The following SARS2 variants were observed in gnomAD, a reference collection of about 807,000 sequenced individuals.
The protein encoded by SARS2 is seryl-tRNA synthetase 2, mitochondrial, also known as serine--tRNA ligase, mitochondrial.
In SARS2, 52 loss-of-function variants were observed where a neutral mutation model predicts 66.8. The observed-to-expected ratio is 0.78, with a 90% CI of 0.62 to 0.98. The LOEUF (loss-of-function observed/expected upper bound fraction) is 0.98, where lower values mean the gene tolerates loss of function less well. Ranked by LOEUF, SARS2 falls within the 50% of genes least tolerant of loss-of-function variation. The pLI is 0.00. For missense variants in SARS2, 673 were observed against 706.3 expected (o/e 0.95, Z 0.53); for synonymous variants, 306 against 281.4 (o/e 1.09, Z -0.87).
chr19:38,921,415 A>C lies in SARS2; in HGVS notation c.566T>G (p.Leu189Arg). The part of the protein sequence containing the change: ...PVGDESQARV[L>R]HMVGDKPVFS... ...ACCTGGCTTGTCTCCGACCATGTGG[A>C]GCACTCGAGCCTGGCTCTCATCCCC... The change falls in exon 5 of 16, where the codon CTC becomes CGC. Residue 189 changes from leucine (L) to arginine (R), a missense_variant. Transcript: ENST00000221431. The C allele has an allele frequency of 6.2e-7, 1 of 1,613,732 alleles. No individual in the cohort carries two copies.
chr19:38,923,973 C>CAA (rs57362195), intron 2 of SARS2, among the ~76,000 whole-genome samples: 320 of 150,262 alleles, frequency 2.1e-3, no homozygotes, highest in Middle Eastern at 3.4e-3. Flanking sequence ...GACTCAGTCT[C>CAA]AAAAAAAAAT....
chr19:38,916,005 G>C (rs1395459285), intron 14 of SARS2, 32 bp downstream of exon 14: 1 of 1,612,390 alleles, frequency 6.2e-7, no homozygotes, highest in East Asian at 2.2e-5. Flanking sequence ...TGCGGGCGAG[G>C]GCACGCGGGC....
At chr19:38,922,747 G>A (rs1163782392) in intron 2 of SARS2, among the ~76,000 whole-genome samples, 2 of 152,106 alleles carry the variant, frequency 1.3e-5, no homozygotes, top group African/African-American at 2.4e-5. Context: ...AAAAGCATTT[G>A]GCAGTTACCC....
In SARS2 at chr19:38,915,424, G is replaced by A; in HGVS notation, c.*182C>T. Reference sequence around the variant, plus strand: ...GACCCTCAATGATAACAGGGTCAGTGACTGACTCTGAGGCAGCAAGGACAG... The same window carrying A: ...GACCCTCAATGATAACAGGGTCAGTAACTGACTCTGAGGCAGCAAGGACAG... On this transcript the variant is annotated 3_prime_UTR_variant, in exon 16 of 16. Transcript: ENST00000221431. 1 of 645,194 alleles carries A rather than the reference G, an allele frequency of 1.5e-6. No individual in the cohort carries two copies. The highest frequency in any genetic ancestry group is 2.7e-6 in the Non-Finnish European group (1 of 372,178). 40.0% of individuals were successfully genotyped at this position (645,194 alleles called of 1,614,324 possible). A position where few individuals can be genotyped will look rare whatever the true frequency, so the allele number is the denominator to read the frequency against.
intron 12 of SARS2, among the ~76,000 whole-genome samples, chr19:38,916,615 G>A (rs558615393): frequency 1.3e-5 from 2 of 151,678 alleles, no homozygotes; most frequent in East Asian, 2.0e-4. Context: ...AGGGTCCACC[G>A]GCTCTTCACA....
intron 3 of SARS2, 58 bp downstream of exon 3, chr19:38,922,180 C>A: frequency 6.2e-7 from 1 of 1,603,660 alleles, no homozygotes; most frequent in African/African-American, 1.3e-5. Flanking sequence ...TCGTGACTGG[C>A]AGGGTATCCT....
At chr19:38,915,950 A>C in intron 14 of SARS2, 44 bp from the exon 15 acceptor site, 1 of 1,613,026 alleles carries the variant, frequency 6.2e-7, no homozygotes, top group Non-Finnish European at 8.5e-7. Flanking sequence ...CCCCAAGCTG[A>C]GCCCGGGGAG....
intron 2 of SARS2, among the ~76,000 whole-genome samples, chr19:38,925,267 C>G (rs1386108305): frequency 6.6e-6 from 1 of 152,152 alleles, no homozygotes. Flanking sequence ...GAGCCCAGAT[C>G]ATGCCACTGC....
rs142711221 is a variant in SARS2 at position 38,916,278 on chromosome 19, G to A, written c.1197C>T (p.Pro399=). Residue 399 remains proline (P), a synonymous_variant, in exon 13 of 16, where the codon CCC becomes CCT. Coordinates refer to ENST00000221431, the MANE Select transcript of SARS2 (RefSeq NM_017827.4). ...LDMPTQELGL[P]AYRKFDIEAW... is the part of the protein sequence containing the mutation. ...CCTCAATGTCAAACTTGCGGTAGGC[G>A]GGGAGGCCCAGTTCTTGGGTGGGCA... The A allele has an allele frequency of 4.3e-5, 69 of 1,614,094 alleles. No individual in the cohort carries two copies. In the African/African-American group the frequency reaches 8.0e-4, roughly 19 times the overall value.
In SARS2 at chr19:38,919,823, C is replaced by T. The variant is rs1974485161; in HGVS notation, c.698G>A (p.Gly233Glu). The T allele has an allele frequency of 6.2e-7, 1 of 1,614,168 alleles. No homozygotes were observed. The highest frequency in any genetic ancestry group is 8.5e-7 in the Non-Finnish European group (1 of 1,180,028). ...GCCGTGCTGCAGGAGGGCTCCAGCC[C>T]CGCGCAGGTAATAGGACCGGTGGCC... The part of the protein sequence containing the change: ...VSGHRSYYLR[G>E]AGALLQHGLV... The change falls in exon 7 of 16, where the codon GGG becomes GAG. Residue 233 changes from glycine to glutamate, a missense_variant. Gly to Glu is a moderately conservative substitution (Grantham distance 98). Transcript: ENST00000221431.
At chr19:38,922,100 T>A in intron 3 of SARS2, 138 bp downstream of exon 3, 10 of 1,604,600 alleles carry the variant, frequency 6.2e-6, no homozygotes, top group South Asian at 2.2e-5. Flanking sequence ...TTTAGTTTCA[T>A]GCATCAATAG....
intron 1 of SARS2, among the ~76,000 whole-genome samples, chr19:38,926,725 G>A (rs1974634678): frequency 1.3e-5 from 2 of 152,166 alleles, no homozygotes. Flanking sequence ...AGCGGAGGTT[G>A]CACTGAGCTG....
At chr19:38,918,340 T>TC (rs1186184223) in intron 9 of SARS2, 82 bp downstream of exon 9, 16 of 1,344,470 alleles carry the variant, frequency 1.2e-5, no homozygotes, top group African/African-American at 7.2e-5. Flanking sequence ...GGGCAGGTGA[T>TC]CCCCCCCAGT....
chr19:38,917,904 G>C lies in SARS2; in HGVS notation c.1050+17C>G. ...TGGCCCCCCACCCCAGCCCCGTTTAGTCCCAGCGACACCAGCCTTGGTGAA... is the reference window on the plus strand; with the variant it reads ...TGGCCCCCCACCCCAGCCCCGTTTACTCCCAGCGACACCAGCCTTGGTGAA... On this transcript the variant is annotated intron_variant, in intron 11 of 15. Coordinates refer to ENST00000221431, the MANE Select transcript of SARS2 (RefSeq NM_017827.4). 1 of 1,613,188 alleles carries C rather than the reference G, an allele frequency of 6.2e-7. No individual in the cohort carries two copies. The highest frequency in any genetic ancestry group is 8.5e-7 in the Non-Finnish European group (1 of 1,179,496).
Position 38,930,529 on chromosome 19 carries a change from C to T in SARS2, c.208G>A (p.Ala70Thr), listed in dbSNP as rs1974719983. ...TTGCGGAGCTCCAGGGCGTGTGCGGCCTCTTCTGGGCATGCGCAGAACCGC... is the reference window on the plus strand; with the variant it reads ...TTGCGGAGCTCCAGGGCGTGTGCGGTCTCTTCTGGGCATGCGCAGAACCGC... ...IERFCACPEE[A>T]AHALELRKGE... Residue 70 changes from alanine (A) to threonine (T), a missense_variant, in exon 1 of 16, where the codon GCC becomes ACC. By Grantham distance (58) the Ala-to-Thr change is moderately conservative. Coordinates refer to ENST00000221431, the MANE Select transcript of SARS2 (RefSeq NM_017827.4). The T allele has an allele frequency of 6.2e-7, 1 of 1,613,188 alleles. No individual in the cohort carries two copies. Among genetic ancestry groups the T allele is most frequent in the Non-Finnish European group, 8.5e-7 (1 of 1,179,832 alleles).
Position 38,930,483 on chromosome 19 carries a change from T to G in SARS2, c.254A>C (p.Asp85Ala), listed in dbSNP as rs771376102. Residue 85 changes from aspartate (D) to alanine (A), a missense_variant, in exon 1 of 16, where the codon GAC becomes GCC. Transcript: ENST00000221431. ...ELRKGELRSA[D>A]LPAIISTWQE... Reference sequence around the variant, plus strand: ...AGGCGCACTCACGATCGCGGGCAGGTCCGCCGAGCGCAGCTCCCCCTTGCG... The same window carrying G: ...AGGCGCACTCACGATCGCGGGCAGGGCCGCCGAGCGCAGCTCCCCCTTGCG... 6.3e-7 allele frequency: 1 copy of G among 1,598,874 alleles called. No individual in the cohort carries two copies. Among genetic ancestry groups the G allele is most frequent in the South Asian group, 1.1e-5 (1 of 90,906 alleles).
intron 10 of SARS2, 26 bp from the exon 11 acceptor site, chr19:38,918,034 T>A (rs1374614518): frequency 6.2e-7 from 1 of 1,600,202 alleles, no homozygotes; most frequent in Non-Finnish European, 8.5e-7. Flanking sequence ...GAAAGTCGGG[T>A]CAAGGAGGGA....
At position 38,915,901 on chromosome 19, in the gene SARS2, G is replaced by A. The variant is rs532322501; in HGVS notation, c.1353C>T (p.Asn451=). The change falls in exon 15 of 16, where the codon AAC becomes AAT. Residue 451 remains asparagine (N), a synonymous_variant. Coordinates refer to ENST00000221431, the MANE Select transcript of SARS2 (RefSeq NM_017827.4). ...AGELQFAHTV[N]ATACAVPRLL... ...GGCGGGGGACAGCACAGGCGGTGGC[G>A]TTCACCTGTGAGACAGCCATGCTCG... The A allele has an allele frequency of 2.5e-5, 41 of 1,613,714 alleles. No individual in the cohort carries two copies. Among genetic ancestry groups the A allele is most frequent in the Admixed American group, 6.7e-5 (4 of 60,018 alleles).
rs754474435 is a variant in SARS2, at chr19:38,918,576, T to G, written c.808-46A>C. The G allele has an allele frequency of 5.3e-6, 8 of 1,518,532 alleles. No homozygotes were observed. In the African/African-American group the frequency reaches 1.1e-4, roughly 21 times the overall value. The allele number at this position is 1,518,532 out of a possible 1,614,324, so 94.1% of individuals were successfully genotyped here. On this transcript the variant is annotated intron_variant, in intron 8 of 15. Coordinates refer to ENST00000221431, the MANE Select transcript of SARS2 (RefSeq NM_017827.4). ...ACAGGGATCAGGGGACAGGTAACCC[T>G]GGCCTCTCGTTTTACAGTCCCAACC...
Sources: gnomAD v4.1 joint callset for allele counts (sites outside exome capture counted in the v4.1 genomes callset) on GRCh38, gnomAD v4.1.1 for gene constraint, MANE v1.5 for transcripts, NCBI Gene and HGNC (gene_info 2026-07-23, HGNC 2026-07-21) for gene names.